Variants in MAN1C1 observed in about 807,000 individuals in gnomAD.
MAN1C1 encodes the protein mannosidase alpha class 1C member 1.
In MAN1C1, 49 loss-of-function variants were observed where a neutral mutation model predicts 71.5. The observed-to-expected ratio is 0.69, with a 90% CI of 0.54 to 0.87. MAN1C1 has a LOEUF of 0.87. MAN1C1 is among the 40% of genes least tolerant of loss of function. The pLI, the probability that MAN1C1 is intolerant of heterozygous loss-of-function variation, is 0.00. For synonymous variants in MAN1C1, 352 were observed against 343.7 expected (o/e 1.02, Z -0.27); for missense variants, 743 against 835.0 (o/e 0.89, Z 1.36).
chr1:25,617,634 CT>C lies in MAN1C1; in HGVS notation c.-163del. ...CGCGGGAGGACTCGCTCCAAACTCC[CT>C]GAACTTCGGGGACAGTCCCCCGAAG... On this transcript the variant is annotated 5_prime_UTR_variant, in exon 1 of 12. Transcript: ENST00000374332. This position sits in a 1 kb window ranked among gnomAD's most constrained non-coding sequence, Gnocchi z 5.1. The C allele has an allele frequency of 3.4e-6, 2 of 581,522 alleles. No individual in the cohort carries two copies. Among genetic ancestry groups the C allele is most frequent in the Non-Finnish European group, 5.7e-6 (2 of 348,606 alleles). The allele number at this position is 581,522 out of a possible 1,614,324, so 36.0% of individuals were successfully genotyped here.
At chr1:25,672,213 G>T (rs922158797) in intron 1 of MAN1C1, among the ~76,000 whole-genome samples, 4 of 152,224 alleles carry the variant, frequency 2.6e-5, no homozygotes, top group Admixed American at 1.3e-4. Flanking sequence ...AGAAGAGAGA[G>T]AGAGAGAGAT....
intron 2 of MAN1C1, among the ~76,000 whole-genome samples, chr1:25,740,793 C>G (rs760304316): frequency 6.6e-6 from 1 of 151,602 alleles, no homozygotes; most frequent in Admixed American, 6.6e-5. Context: ...ATGGGTGGAT[C>G]GGGGAAGAGG....
At chr1:25,639,659 G>A (rs1336479700) in intron 1 of MAN1C1, among the ~76,000 whole-genome samples, 1 of 152,194 alleles carries the variant, frequency 6.6e-6, no homozygotes, top group Non-Finnish European at 1.5e-5. Flanking sequence ...CAGACATTGA[G>A]TAGATCTCTA....
intron 1 of MAN1C1, among the ~76,000 whole-genome samples, chr1:25,680,390 G>A (rs1253882811): frequency 1.3e-5 from 2 of 152,086 alleles, no homozygotes; most frequent in African/African-American, 2.4e-5. Context: ...TTCACAAATT[G>A]TGAATAATCA....
At chr1:25,766,734 A>G (rs1219849881) in intron 7 of MAN1C1, among the ~76,000 whole-genome samples, 1 of 152,124 alleles carries the variant, frequency 6.6e-6, no homozygotes, top group Non-Finnish European at 1.5e-5. Flanking sequence ...AGAGCTGCCG[A>G]GGAGGGGTCA....
chr1:25,781,709 C>T (rs545450882), intron 10 of MAN1C1, among the ~76,000 whole-genome samples: 47 of 152,250 alleles, frequency 3.1e-4, no homozygotes, highest in Admixed American at 1.0e-3. Context: ...CCACCACCCC[C>T]GTGCCCATTC....
intron 6 of MAN1C1, chr1:25,760,199 G>A (rs2047342884): frequency 6.6e-6 from 1 of 152,190 alleles, no homozygotes; most frequent in Non-Finnish European, 1.5e-5. Context: ...CTTTATAATG[G>A]CTCTACTCTT....
intron 1 of MAN1C1, among the ~76,000 whole-genome samples, chr1:25,633,568 G>A (rs2124755184): frequency 6.7e-6 from 1 of 148,448 alleles, no homozygotes; most frequent in African/African-American, 2.5e-5. Flanking sequence ...TTGCTGTACA[G>A]TCTGTCTTAT....
intron 1 of MAN1C1, among the ~76,000 whole-genome samples, chr1:25,661,157 T>C (rs1278968194): frequency 6.6e-6 from 1 of 152,252 alleles, no homozygotes; most frequent in African/African-American, 2.4e-5. Context: ...TGGAGCTACA[T>C]GCAGAGGGTT....
chr1:25,687,636 T>G (rs1461943133), intron 2 of MAN1C1, among the ~76,000 whole-genome samples: 2 of 152,196 alleles, frequency 1.3e-5, no homozygotes, highest in African/African-American at 2.4e-5. Context: ...ATCAGAGATG[T>G]CCATGTTATG....
At chr1:25,781,695 TC>T (rs2047697154) in intron 10 of MAN1C1, among the ~76,000 whole-genome samples, 1 of 151,396 alleles carries the variant, frequency 6.6e-6, no homozygotes. Flanking sequence ...TGCCCCTATC[TC>T]CCCCACCACC....
intron 1 of MAN1C1, among the ~76,000 whole-genome samples, chr1:25,670,446 T>TG (rs1245726178): frequency 6.6e-6 from 1 of 152,250 alleles, no homozygotes. Flanking sequence ...CAGGCTCTGC[T>TG]GGGGCAGCTT....
chr1:25,692,435 T>A (rs1167174384), intron 2 of MAN1C1, among the ~76,000 whole-genome samples: 1 of 152,204 alleles, frequency 6.6e-6, no homozygotes, highest in Non-Finnish European at 1.5e-5. Context: ...CTGTGTTGCC[T>A]GGGCTGATCT....
At chr1:25,721,006 C>T (rs953341192) in intron 2 of MAN1C1, among the ~76,000 whole-genome samples, 2 of 152,154 alleles carry the variant, frequency 1.3e-5, no homozygotes, top group African/African-American at 4.8e-5. Flanking sequence ...TCTGGACTCT[C>T]GATTTCATTG....
intron 1 of MAN1C1, among the ~76,000 whole-genome samples, chr1:25,632,236 G>C (rs1285017451): frequency 6.6e-6 from 1 of 152,164 alleles, no homozygotes; most frequent in Non-Finnish European, 1.5e-5. Context: ...AATCTAGGAG[G>C]GTTGTATGTT....
At chr1:25,649,440 C>T (rs1166591405) in intron 1 of MAN1C1, among the ~76,000 whole-genome samples, 1 of 152,252 alleles carries the variant, frequency 6.6e-6, no homozygotes, top group African/African-American at 2.4e-5. Context: ...CTTCCCGGCT[C>T]AGGCTCAGGT....
At chr1:25,699,749 G>A (rs1213207950) in intron 2 of MAN1C1, among the ~76,000 whole-genome samples, 4 of 152,214 alleles carry the variant, frequency 2.6e-5, no homozygotes, top group Non-Finnish European at 4.4e-5. Context: ...CAGGCAGACA[G>A]CAGGGTCAGC....
intron 1 of MAN1C1, among the ~76,000 whole-genome samples, chr1:25,623,192 G>A (rs1378170652): frequency 3.3e-5 from 5 of 152,074 alleles, no homozygotes; most frequent in Admixed American, 6.5e-5. Context: ...CCAGCCATAC[G>A]CCTCCTCCTT....
intron 1 of MAN1C1, among the ~76,000 whole-genome samples, chr1:25,633,871 C>T (rs1232804653): frequency 2.6e-5 from 4 of 152,014 alleles, no homozygotes; most frequent in Admixed American, 2.0e-4. Context: ...TTTATAGGCT[C>T]TGTTTTATGC....
Sources: allele counts gnomAD v4.1 joint callset (sites outside exome capture counted in the v4.1 genomes callset), GRCh38; gene constraint gnomAD v4.1.1; non-coding constraint Gnocchi (gnomAD v3.1); transcripts MANE v1.5; gene names NCBI Gene and HGNC (gene_info 2026-07-23, HGNC 2026-07-21).